SLC9D1: variants seen among roughly 807,000 people sequenced by gnomAD.
The protein encoded by SLC9D1 is putative LAG1-interacting protein.
the SLC9D1 span, among the ~76,000 whole-genome samples, chr13:113,515,623 GGCTCAC>G: frequency 6.6e-6 from 1 of 152,132 alleles, no homozygotes; most frequent in East Asian, 1.9e-4. Context: ...TGGGCACGGT[GGCTCAC>G]GCTGGTAATC....
At chr13:113,517,824 G>C in the SLC9D1 span, among the ~76,000 whole-genome samples, 2 of 151,020 alleles carry the variant, frequency 1.3e-5, no homozygotes, top group Admixed American at 6.6e-5. Context: ...GAGGGAAGAG[G>C]GGCCCCACAG....
chr13:113,500,893 C>T, the SLC9D1 span, among the ~76,000 whole-genome samples: 6 of 152,244 alleles, frequency 3.9e-5, no homozygotes, highest in Non-Finnish European at 5.9e-5. Context: ...CTGGGGCTGC[C>T]GAGTGACTCT....
the SLC9D1 span, chr13:113,510,460 C>T: frequency 1.3e-6 from 2 of 1,586,124 alleles, no homozygotes; most frequent in East Asian, 2.2e-5. Context: ...GTGTCTAATT[C>T]ATGCTCGTGT....
the SLC9D1 span, chr13:113,548,471 C>T: frequency 4.4e-6 from 7 of 1,593,222 alleles, no homozygotes; most frequent in South Asian, 3.3e-5. Flanking sequence ...CTTCCCCCCG[C>T]GGAGCGCTTC....
chr13:113,506,072 C>T, the SLC9D1 span: 3 of 169,122 alleles, frequency 1.8e-5, no homozygotes, highest in South Asian at 3.3e-4. Context: ...TCTCCTGGGT[C>T]CTAATGAAAA....
At chr13:113,495,812 A>G in the SLC9D1 span, 2 of 1,614,096 alleles carry the variant, frequency 1.2e-6, no homozygotes, top group Non-Finnish European at 1.7e-6. Context: ...CAATTGGAGC[A>G]GTGGAGAAAG....
chr13:113,546,080 T>C, the SLC9D1 span, among the ~76,000 whole-genome samples: 1 of 151,770 alleles, frequency 6.6e-6, no homozygotes, highest in Admixed American at 6.6e-5. The surrounding 1 kb of genome is among the most constrained non-coding windows in gnomAD (Gnocchi z 7.1). Flanking sequence ...GAGGCCCCCT[T>C]TGGGGAGAGG....
chr13:113,508,556 C>T, the SLC9D1 span, among the ~76,000 whole-genome samples: 2 of 152,174 alleles, frequency 1.3e-5, no homozygotes, highest in African/African-American at 4.8e-5. Flanking sequence ...CCTTCCCCTC[C>T]TTGTGGAAGG....
the SLC9D1 span, chr13:113,533,991 G>T: frequency 7.4e-7 from 1 of 1,359,662 alleles, no homozygotes; most frequent in Admixed American, 2.2e-5. Context: ...ATTTTATTGA[G>T]TTTTAGAGAA....
the SLC9D1 span, chr13:113,510,122 T>G: frequency 1.0e-6 from 1 of 959,872 alleles, no homozygotes; most frequent in East Asian, 2.4e-5. Context: ...CCAGCGTTGC[T>G]TCACAAAAGC....
At chr13:113,494,215 T>C in the SLC9D1 span, among the ~76,000 whole-genome samples, 1 of 152,250 alleles carries the variant, frequency 6.6e-6, no homozygotes, top group Admixed American at 6.5e-5. Flanking sequence ...TACTTTAAAC[T>C]GTAAATCTGC....
chr13:113,507,715 T>C, the SLC9D1 span, among the ~76,000 whole-genome samples: 1 of 152,236 alleles, frequency 6.6e-6, no homozygotes, highest in African/African-American at 2.4e-5. Flanking sequence ...TCTCAAGTCA[T>C]TGTGGTTGGG....
chr13:113,549,198 A>C, the SLC9D1 span, among the ~76,000 whole-genome samples: 1 of 152,276 alleles, frequency 6.6e-6, no homozygotes. Flanking sequence ...TAGTGAATTT[A>C]TGATGTGCAG....
At chr13:113,500,810 G>A in the SLC9D1 span, among the ~76,000 whole-genome samples, 3 of 152,188 alleles carry the variant, frequency 2.0e-5, no homozygotes, top group Non-Finnish European at 4.4e-5. Context: ...CTCAAAGACG[G>A]TGCTATCTCA....
the SLC9D1 span, among the ~76,000 whole-genome samples, chr13:113,531,711 A>T: frequency 7.7e-3 from 1,177 of 152,286 alleles, 3 homozygotes; most frequent in Non-Finnish European, 0.013. Flanking sequence ...CAAGAGCAGC[A>T]CGCACGTGGA....
At chr13:113,544,502 A>G in the SLC9D1 span, among the ~76,000 whole-genome samples, 3 of 152,254 alleles carry the variant, frequency 2.0e-5, no homozygotes, top group Non-Finnish European at 4.4e-5. Context: ...TTGTAAATGC[A>G]GCTCTATGGA....
the SLC9D1 span, chr13:113,539,302 G>C: frequency 6.3e-7 from 1 of 1,576,286 alleles, no homozygotes; most frequent in South Asian, 1.1e-5. This position sits in a 1 kb window ranked among gnomAD's most constrained non-coding sequence, Gnocchi z 4.8. Flanking sequence ...TTGGGATGGG[G>C]GTGACCCTGG....
the SLC9D1 span, among the ~76,000 whole-genome samples, chr13:113,501,209 C>T: frequency 0.19 from 28,142 of 152,112 alleles, 3,437 homozygotes; most frequent in African/African-American, 0.35. Flanking sequence ...AAAACAAAAA[C>T]TTTGCTGTAT....
At chr13:113,512,267 G>A in the SLC9D1 span, among the ~76,000 whole-genome samples, 3 of 108,610 alleles carry the variant, frequency 2.8e-5, no homozygotes, top group African/African-American at 1.4e-4. Context: ...GAGGGTTGGA[G>A]TGTAGATGGA....
Sources: gnomAD v4.1 joint callset for allele counts (sites outside exome capture counted in the v4.1 genomes callset) on GRCh38, gnomAD v4.1.1 for gene constraint, Gnocchi (gnomAD v3.1) non-coding constraint, MANE v1.5 for transcripts, NCBI Gene and HGNC (gene_info 2026-07-23, HGNC 2026-07-21) for gene names.